The following RASGRP3 variants were observed in gnomAD, a reference collection of about 807,000 sequenced individuals.
RASGRP3 encodes ras guanyl-releasing protein 3.
In RASGRP3, 54 loss-of-function variants were observed where a neutral mutation model predicts 82.7. That is an observed-to-expected ratio of 0.65 (90% CI 0.52 to 0.82). The LOEUF (loss-of-function observed/expected upper bound fraction) is 0.82. RASGRP3 is among the 40% of genes least tolerant of loss of function. The probability of loss-of-function intolerance (pLI) is 0.00; values close to 1 mark genes in which losing one functional copy is unlikely to be tolerated. For missense variants in RASGRP3, 861 were observed against 828.9 expected, an observed-to-expected ratio of 1.04 and a Z score of -0.48; for synonymous variants, 309 against 300.5, an observed-to-expected ratio of 1.03 and a Z score of -0.29.
In RASGRP3 at chr2:33,562,331, A is replaced by G. The variant is rs1676764467; in HGVS notation, c.2065-398A>G. Among the ~76,000 whole-genome samples the G allele has an allele frequency of 8.0e-5, 12 of 149,158 alleles. No individual in the cohort carries two copies. The Admixed American group carries it at 8.1e-4, about 10-fold the overall frequency. Reference sequence around the variant, plus strand: ...CCCCCTGGCAGGACTGCAGTGGTACAGTCATAGCTCACCACAGCCTCGAAC... The same window carrying G: ...CCCCCTGGCAGGACTGCAGTGGTACGGTCATAGCTCACCACAGCCTCGAAC... On this transcript the variant is annotated intron_variant, in intron 17 of 17. Coordinates refer to ENST00000403687, the MANE Select transcript of RASGRP3 (RefSeq NM_001139488.2).
chr2:33,501,356 G>A (rs1010260337), intron 1 of RASGRP3, among the ~76,000 whole-genome samples: 2 of 152,008 alleles, frequency 1.3e-5, no homozygotes, highest in African/African-American at 4.8e-5. Context: ...TTTCACTTTG[G>A]GGAAATTATG....
chr2:33,545,669 C>T (rs1674662042), intron 13 of RASGRP3, among the ~76,000 whole-genome samples: 8 of 152,104 alleles, frequency 5.3e-5, no homozygotes, highest in Admixed American at 5.2e-4. Context: ...CATGAATAGA[C>T]ACTTCTGTAA....
At chr2:33,499,273 C>T (rs887528832) in intron 1 of RASGRP3, among the ~76,000 whole-genome samples, 1 of 152,080 alleles carries the variant, frequency 6.6e-6, no homozygotes, top group Non-Finnish European at 1.5e-5. Flanking sequence ...GTGATTGAAA[C>T]CCCAGTTTTT....
At chr2:33,545,146 C>A (rs1380977272) in intron 13 of RASGRP3, among the ~76,000 whole-genome samples, 2 of 152,136 alleles carry the variant, frequency 1.3e-5, no homozygotes, top group Admixed American at 1.3e-4. Flanking sequence ...TTGAGATTGT[C>A]CTAGCAAATA....
At chr2:33,551,898 C>T (rs4078196) in intron 14 of RASGRP3, among the ~76,000 whole-genome samples, 3 of 152,134 alleles carry the variant, frequency 2.0e-5, no homozygotes, top group Admixed American at 2.0e-4. Flanking sequence ...GAGGCTGAGG[C>T]AGGAGAATGG....
At chr2:33,537,322 C>CA (rs1558501598) in intron 11 of RASGRP3, among the ~76,000 whole-genome samples, 468 of 21,760 alleles carry the variant, frequency 0.022, 14 homozygotes, top group African/African-American at 0.1. Context: ...ACACACACAC[C>CA]GCCCCCCCCA....
intron 2 of RASGRP3, among the ~76,000 whole-genome samples, chr2:33,468,047 T>A (rs889717996): frequency 1.4e-5 from 2 of 145,766 alleles, no homozygotes; most frequent in African/African-American, 5.3e-5. Flanking sequence ...TTTCTTTCTC[T>A]CTTAGTGTAC....
At chr2:33,546,783 G>C (rs181031254) in intron 13 of RASGRP3, among the ~76,000 whole-genome samples, 1 of 151,990 alleles carries the variant, frequency 6.6e-6, no homozygotes, top group African/African-American at 2.4e-5. Context: ...AAAAGAACGA[G>C]ATTGCCAGGC....
intron 1 of RASGRP3, among the ~76,000 whole-genome samples, chr2:33,499,016 A>T (rs1198766186): frequency 1.3e-5 from 2 of 152,210 alleles, no homozygotes; most frequent in Non-Finnish European, 2.9e-5. Context: ...TGGGAAGCAT[A>T]TCTTGAAATT....
intron 1 of RASGRP3, among the ~76,000 whole-genome samples, chr2:33,480,137 G>A (rs1429290018): frequency 6.7e-6 from 1 of 150,218 alleles, no homozygotes; most frequent in East Asian, 2.0e-4. Context: ...CCGCCTCCAG[G>A]ATTCACACCA....
rs758815762 is a variant in RASGRP3 at position 33,527,198 on chromosome 2, C to T, written c.869C>T (p.Ala290Val). The stretch of plus-strand genomic sequence containing the variant: ...GGCAATTACTGCAATTACCGCAAGG[C>T]CTTTGCCGACTGCGATGGCTTCAAA... ...SNGNYCNYRK[A>V]FADCDGFKIP... is the part of the protein sequence containing the mutation. The change falls in exon 10 of 18, where the codon GCC becomes GTC. Residue 290 changes from alanine (A) to valine (V), a missense_variant. By Grantham distance (64) the Ala-to-Val change is moderately conservative. Transcript: ENST00000403687. The T allele has an allele frequency of 6.2e-7, 1 of 1,614,026 alleles. No individual in the cohort carries two copies. The highest frequency in any genetic ancestry group is 1.3e-5 in the African/African-American group (1 of 75,058).
chr2:33,515,519 A>G (rs572352496), intron 3 of RASGRP3, among the ~76,000 whole-genome samples: 4 of 152,294 alleles, frequency 2.6e-5, no homozygotes, highest in Admixed American at 6.5e-5. Flanking sequence ...AGATGTTCAT[A>G]GTACCATTCC....
chr2:33,502,501 CTT>C (rs3083004), intron 1 of RASGRP3, among the ~76,000 whole-genome samples: 5 of 135,722 alleles, frequency 3.7e-5, no homozygotes, highest in Admixed American at 1.5e-4. Flanking sequence ...TTTTTTCTTT[CTT>C]TTTTTTTTTT....
chr2:33,522,157 C>A, intron 7 of RASGRP3, 55 bp downstream of exon 7: 1 of 1,543,896 alleles, frequency 6.5e-7, no homozygotes, highest in Non-Finnish European at 8.7e-7. Context: ...GCCAACTTTC[C>A]CAAGAGCTGC....
At position 33,485,796 on chromosome 2, in the gene RASGRP3, G is replaced by A. The variant is rs116691629; in HGVS notation, c.-261+9089G>A. 4.4e-3 allele frequency among the ~76,000 whole-genome samples: 667 copies of A among 152,238 alleles called. 12 individuals carry two copies. Among genetic ancestry groups the A allele is most frequent in the African/African-American group, 0.015 (615 of 41,550 alleles). ...GAATATTGCTTTCAACCTCTCTTTG[G>A]AATTTGCGGGAACTTTGGTTGACTT... On this transcript the variant is annotated intron_variant, in intron 1 of 17. Transcript: ENST00000403687.
chr2:33,526,447 T>C (rs1479206877), intron 9 of RASGRP3, among the ~76,000 whole-genome samples: 1 of 152,230 alleles, frequency 6.6e-6, no homozygotes, highest in Non-Finnish European at 1.5e-5. Flanking sequence ...ATGGAACTTA[T>C]TAGGTAATAA....
chr2:33,560,752 G>A (rs766542190), intron 17 of RASGRP3, among the ~76,000 whole-genome samples: 7 of 152,200 alleles, frequency 4.6e-5, no homozygotes, highest in South Asian at 2.1e-4. Flanking sequence ...TCAGGATGGC[G>A]CCCACCTTGT....
chr2:33,546,449 AAATAAC>A (rs1221582723), intron 13 of RASGRP3, among the ~76,000 whole-genome samples: 3 of 152,034 alleles, frequency 2.0e-5, no homozygotes, highest in Admixed American at 6.6e-5. Context: ...GAAAGTCAAA[AAATAAC>A]AGATGCTAGT....
At chr2:33,558,608 A>T in intron 16 of RASGRP3, 64 bp from the exon 17 acceptor site, 2 of 1,409,004 alleles carry the variant, frequency 1.4e-6, no homozygotes, top group Non-Finnish European at 1.9e-6. Flanking sequence ...TGTTTGCACT[A>T]ACCTTGATGC....
Sources: allele counts gnomAD v4.1 joint callset (sites outside exome capture counted in the v4.1 genomes callset), GRCh38; gene constraint gnomAD v4.1.1; transcripts MANE v1.5; gene names NCBI Gene and HGNC (gene_info 2026-07-23, HGNC 2026-07-21).